FAM131B: variants seen among roughly 807,000 people sequenced by gnomAD.
FAM131B encodes the protein family with sequence similarity 131 member B, also known as protein FAM131B.
Under a neutral mutation model 42.0 loss-of-function variants are expected in FAM131B, and 19 were observed. The observed-to-expected ratio is 0.45, with a 90% CI of 0.32 to 0.66. The LOEUF is 0.66. FAM131B is among the 30% of genes least tolerant of loss of function. The probability of loss-of-function intolerance (pLI) is 0.05; values close to 1 mark genes in which losing one functional copy is unlikely to be tolerated. For synonymous variants in FAM131B, 183 were observed against 177.6 expected, an observed-to-expected ratio of 1.03 and a Z score of -0.24; for missense variants, 370 against 468.4, an observed-to-expected ratio of 0.79 and a Z score of 1.94.
intron 5 of FAM131B, among the ~76,000 whole-genome samples, chr7:143,357,729 T>C (rs1164905109): frequency 6.6e-6 from 1 of 152,222 alleles, no homozygotes; most frequent in Non-Finnish European, 1.5e-5. Flanking sequence ...ATCCAGCTGG[T>C]ATTTTATACT....
upstream of FAM131B, among the ~76,000 whole-genome samples, chr7:143,366,760 G>A (rs1214295611): frequency 6.6e-6 from 1 of 152,118 alleles, no homozygotes; most frequent in African/African-American, 2.4e-5. Context: ...GTTTCACCAT[G>A]TTGACCAGGC....
intron 1 of FAM131B, chr7:143,361,040 A>G (rs1803944168): frequency 6.6e-6 from 1 of 152,126 alleles, no homozygotes. Flanking sequence ...TGGCTGCCTG[A>G]ACCATCTGAC....
chr7:143,360,561 TC>T, intron 1 of FAM131B: 1 of 262,814 alleles, frequency 3.8e-6, no homozygotes, highest in Non-Finnish European at 6.2e-6. Context: ...GGGATGTGTC[TC>T]CCCCGGTGGG....
rs1319862919 is a variant in FAM131B at position 143,362,042 on chromosome 7, G to A, written c.28+534C>T. ...TGAACAAAGCGAATCGGAGGAGGCA[G>A]GAACGACAGTAAAAGGCAACGGAGA... On this transcript the variant is annotated intron_variant, in intron 1 of 6. Transcript: ENST00000443739. This position sits in a 1 kb window ranked among gnomAD's most constrained non-coding sequence, Gnocchi z 7.7. The A allele has an allele frequency of 2.0e-6, 2 of 985,070 alleles. No individual in the cohort carries two copies. Among genetic ancestry groups the A allele is most frequent in the Non-Finnish European group, 2.4e-6 (2 of 829,686 alleles). The allele number at this position is 985,070 out of a possible 1,614,324, so 61.0% of individuals were successfully genotyped here.
intron 5 of FAM131B, among the ~76,000 whole-genome samples, chr7:143,357,742 T>C (rs541908480): frequency 6.6e-6 from 1 of 152,356 alleles, no homozygotes; most frequent in East Asian, 1.9e-4. Flanking sequence ...TTTATACTTA[T>C]AAGCACATCT....
chr7:143,382,194 C>A, the FAM131B span: 3 of 1,474,082 alleles, frequency 2.0e-6, no homozygotes, highest in Admixed American at 3.6e-5. Flanking sequence ...CTGAGGGGAG[C>A]TTGGGTGAGG....
the FAM131B span, chr7:143,380,908 G>A: frequency 1.8e-6 from 1 of 543,558 alleles, no homozygotes; most frequent in Non-Finnish European, 2.3e-6. This position sits in a 1 kb window ranked among gnomAD's most constrained non-coding sequence, Gnocchi z 5.0. Flanking sequence ...TCGCTGGGCC[G>A]GGCCGGAGGC....
chr7:143,376,278 T>G, the FAM131B span, among the ~76,000 whole-genome samples: 1 of 152,204 alleles, frequency 6.6e-6, no homozygotes, highest in African/African-American at 2.4e-5. Context: ...TTTCTAATCT[T>G]AACACTTATT....
At chr7:143,380,981 G>C in the FAM131B span, 10 of 279,076 alleles carry the variant, frequency 3.6e-5, no homozygotes, top group East Asian at 1.8e-4. This position sits in a 1 kb window ranked among gnomAD's most constrained non-coding sequence, Gnocchi z 5.0. Flanking sequence ...AAGCCCGGAG[G>C]GGGACGGTGA....
Position 143,356,275 on chromosome 7 carries a change from A to G in FAM131B, c.*275T>C. ...CACACTGGAGGCTTTGTCGGCACAG[A>G]CCCAGAAGCCCACAGCCCAGGTCCT... On this transcript the variant is annotated 3_prime_UTR_variant, in exon 7 of 7. Coordinates refer to ENST00000443739, the MANE Select transcript of FAM131B (RefSeq NM_001031690.3). The surrounding 1 kb of genome is among the most constrained non-coding windows in gnomAD (Gnocchi z 4.4). 4.2e-6 allele frequency: 2 copies of G among 470,914 alleles called. No homozygotes were observed. Among genetic ancestry groups the G allele is most frequent in the Non-Finnish European group, 7.6e-6 (2 of 262,508 alleles). 29.2% of individuals were successfully genotyped at this position (470,914 alleles called of 1,614,324 possible).
chr7:143,369,103 G>A, the FAM131B span, among the ~76,000 whole-genome samples: 1 of 152,138 alleles, frequency 6.6e-6, no homozygotes, highest in Non-Finnish European at 1.5e-5. Flanking sequence ...GTTCCTTGCT[G>A]TACTTCCACA....
upstream of FAM131B, among the ~76,000 whole-genome samples, chr7:143,365,554 A>G (rs1320511009): frequency 1.3e-5 from 2 of 152,178 alleles, no homozygotes; most frequent in Non-Finnish European, 2.9e-5. Flanking sequence ...CTTTTCCCTA[A>G]GATTTCCCAG....
At chr7:143,380,358 G>C in the FAM131B span, 1 of 985,054 alleles carries the variant, frequency 1.0e-6, no homozygotes, top group East Asian at 1.1e-4. This position sits in a 1 kb window ranked among gnomAD's most constrained non-coding sequence, Gnocchi z 5.0. Context: ...CGCAGTCTCA[G>C]AATGCCCAAG....
At chr7:143,377,261 C>T in the FAM131B span, among the ~76,000 whole-genome samples, 22 of 152,180 alleles carry the variant, frequency 1.4e-4, no homozygotes, top group Non-Finnish European at 2.8e-4. Flanking sequence ...CCTGGCTGTG[C>T]TGTTAACAAT....
rs182134697 is a variant in FAM131B at position 143,358,172 on chromosome 7, C to T, written c.466+655G>A. Among the ~76,000 whole-genome samples, 1 of 152,140 alleles carries T rather than the reference C, an allele frequency of 6.6e-6. No homozygotes were observed. Among genetic ancestry groups the T allele is most frequent in the Non-Finnish European group, 1.5e-5 (1 of 68,022 alleles). On this transcript the variant is annotated intron_variant, in intron 5 of 6. Transcript: ENST00000443739. The surrounding 1 kb of genome is among the most constrained non-coding windows in gnomAD (Gnocchi z 4.7). ...TGAAGCTGGTACTGCTCCTGCCCCC[C>T]ACCCTACATGTTTGTCACCCTGTTC...
chr7:143,370,139 G>C, the FAM131B span, among the ~76,000 whole-genome samples: 1 of 152,168 alleles, frequency 6.6e-6, no homozygotes, highest in Admixed American at 6.5e-5. Context: ...AACTGTGTTG[G>C]GGGCAGGGCC....
rs1357111818 is a variant in FAM131B at position 143,359,312 on chromosome 7, A to C, written c.268+14T>G. 4 of 1,589,088 alleles carry C rather than the reference A, an allele frequency of 2.5e-6. No individual in the cohort carries two copies. Among genetic ancestry groups the C allele is most frequent in the Non-Finnish European group, 3.5e-6 (4 of 1,158,128 alleles). On this transcript the variant is annotated intron_variant, in intron 4 of 6. Coordinates refer to ENST00000443739, the MANE Select transcript of FAM131B (RefSeq NM_001031690.3). This position sits in a 1 kb window ranked among gnomAD's most constrained non-coding sequence, Gnocchi z 5.4. ...TTATTTTGTCTGAAGGCATTCTTAC[A>C]TCAGGAGTCTCACCTGAGAATGATG...
At position 143,356,669 on chromosome 7, in the gene FAM131B, C is replaced by A. The variant is rs2116435575; in HGVS notation, c.964G>T (p.Glu322Ter). The stretch of plus-strand genomic sequence containing the variant: ...GGGTCTTCTCGTGGGGAAAGTGACT[C>A]CAGGTCCCGGCATCCCGCATCCTCT... ...EEEDAGCRDL[E>*]SLSPREDPEM... Residue 322 changes from glutamate to a stop codon, truncating the protein, a stop_gained, in exon 7 of 7, where the codon GAG becomes TAG. Transcript: ENST00000443739. LOFTEE classifies it high-confidence loss of function. The surrounding 1 kb of genome is among the most constrained non-coding windows in gnomAD (Gnocchi z 4.4). The A allele has an allele frequency of 6.2e-7, 1 of 1,614,076 alleles. No homozygotes were observed. The highest frequency in any genetic ancestry group is 1.1e-5 in the South Asian group (1 of 91,064).
At chr7:143,362,894 C>A (rs1196518058), upstream of FAM131B, 2 of 151,718 alleles carry the variant, frequency 1.3e-5, no homozygotes, top group South Asian at 1.8e-4. This position sits in a 1 kb window ranked among gnomAD's most constrained non-coding sequence, Gnocchi z 7.7. Flanking sequence ...CCGGCCGTGC[C>A]GGGGCGCTCC....
Sources: allele counts gnomAD v4.1 joint callset (sites outside exome capture counted in the v4.1 genomes callset), GRCh38; gene constraint gnomAD v4.1.1; non-coding constraint Gnocchi (gnomAD v3.1); transcripts MANE v1.5; gene names NCBI Gene and HGNC (gene_info 2026-07-23, HGNC 2026-07-21).